Variants in NME2 observed in about 807,000 individuals in gnomAD.
NME2 encodes the protein NME/NM23 nucleoside diphosphate kinase 2.
A neutral mutation model predicts 17.8 loss-of-function variants in NME2; 18 were observed. The observed-to-expected ratio is 1.01, with a 90% CI of 0.70 to 1.50. The LOEUF is 1.50. NME2 is among the 40% of genes most tolerant of loss of function. The pLI is 0.00. For synonymous variants in NME2, 74 were observed against 71.4 expected (o/e 1.04, Z -0.19); for missense variants, 161 against 195.6 (o/e 0.82, Z 1.05).
intron 2 of NME2, 26 bp from the exon 3 acceptor site, chr17:51,168,216 A>G (rs2049987903): frequency 1.2e-6 from 2 of 1,612,152 alleles, no homozygotes; most frequent in African/African-American, 2.7e-5. Context: ...CTTAGCTCCT[A>G]ACTGGTGCCT....
chr17:51,170,228 A>C (rs1598253024), intron 4 of NME2, among the ~76,000 whole-genome samples, 179 bp downstream of exon 4: 1 of 133,404 alleles, frequency 7.5e-6, no homozygotes, highest in Admixed American at 8.5e-5. Flanking sequence ...TGTAACCTTC[A>C]CCTCCCGGGT....
chr17:51,166,504 C>G lies in NME2; in HGVS notation c.-5+7C>G, dbSNP rs1279513338. 1 of 175,962 alleles carries G rather than the reference C, an allele frequency of 5.7e-6. No homozygotes were observed. The highest frequency in any genetic ancestry group is 2.4e-5 in the African/African-American group (1 of 42,206). 10.9% of individuals were successfully genotyped at this position (175,962 alleles called of 1,614,324 possible). On this transcript the variant is annotated splice_region_variant and intron_variant, in intron 1 of 4. Transcript: ENST00000512737. ...CGGCCCCTCCAGCTTCCCGGTAAGG[C>G]GGTGGGGGCGCATCCCCTGGCGACT...
Position 51,171,423 on chromosome 17 carries a change from G to T in NME2, c.342-64G>T, listed in dbSNP as rs911599581. 91 of 1,426,986 alleles carry T rather than the reference G, an allele frequency of 6.4e-5. 1 individual carries two copies. Among genetic ancestry groups the T allele is most frequent in the Non-Finnish European group, 8.5e-5 (87 of 1,020,456 alleles). The allele number at this position is 1,426,986 out of a possible 1,614,324, so 88.4% of individuals were successfully genotyped here. A position where few individuals can be genotyped will look rare whatever the true frequency, so the allele number is the denominator to read the frequency against. On this transcript the variant is annotated intron_variant, in intron 4 of 4. Transcript: ENST00000512737. ...AAGAGTCTGGAGTGCTGTCCATTGC[G>T]GTACCCATTAAACAGACTTTTGCAC...
At chr17:51,170,073 G>A (rs140339463) in intron 4 of NME2, 24 bp downstream of exon 4, 1 of 1,584,452 alleles carries the variant, frequency 6.3e-7, no homozygotes, top group Non-Finnish European at 8.6e-7. Flanking sequence ...CAGGAGGGTG[G>A]ATGACTTTTA....
At position 51,166,834 on chromosome 17, in the gene NME2, G is replaced by A; in HGVS notation, c.4G>A (p.Ala2Thr). The A allele has an allele frequency of 6.2e-7, 1 of 1,612,090 alleles. No individual in the cohort carries two copies. Among genetic ancestry groups the A allele is most frequent in the Non-Finnish European group, 8.5e-7 (1 of 1,179,192 alleles). The change falls in exon 2 of 5, where the codon GCC becomes ACC. Residue 2 changes from alanine to threonine, a missense_variant. Physicochemically the swap from Ala to Thr is moderately conservative, Grantham distance 58 (BLOSUM62 0). Coordinates refer to ENST00000512737, the MANE Select transcript of NME2 (RefSeq NM_002512.4). M[A>T]NLERTFIAIK... is the part of the protein sequence containing the mutation. ...GCACCTCTCGCCCCGCAGGACCATG[G>A]CCAACCTGGAGCGCACCTTCATCGC...
In NME2 at chr17:51,171,679, T is replaced by TA. The variant is rs1399249821; in HGVS notation, c.*76dup. 9.0e-7 allele frequency: 1 copy of TA among 1,108,272 alleles called. No individual in the cohort carries two copies. The highest frequency in any genetic ancestry group is 1.6e-5 in the African/African-American group (1 of 64,336). 68.7% of individuals were successfully genotyped at this position (1,108,272 alleles called of 1,614,324 possible). A position where few individuals can be genotyped will look rare whatever the true frequency, so the allele number is the denominator to read the frequency against. ...GACACAGCTCTTCATTCCATTGACT[T>TA]AGAGGCAACAGGATTGATCATTCTT... On this transcript the variant is annotated 3_prime_UTR_variant, in exon 5 of 5. Transcript: ENST00000512737.
At chr17:51,171,427 C>T in intron 4 of NME2, 60 bp from the exon 5 acceptor site, 2 of 1,459,768 alleles carry the variant, frequency 1.4e-6, no homozygotes, top group Non-Finnish European at 1.9e-6. Flanking sequence ...CATTGCGGTA[C>T]CCATTAAACA....
upstream of NME2, chr17:51,165,566 G>T (rs1416059923): frequency 6.6e-6 from 1 of 152,512 alleles, no homozygotes; most frequent in East Asian, 1.9e-4. Context: ...CTGCAAGTAG[G>T]AAGTGTCTAC....
chr17:51,166,043 G>A (rs116590725), upstream of NME2: 1,353 of 153,006 alleles, frequency 8.8e-3, 26 homozygotes, highest in African/African-American at 0.031. Context: ...GGTTAATGCC[G>A]GTGCTCGGGC....
chr17:51,166,240 TCA>T (rs1460486748), upstream of NME2: 1 of 152,048 alleles, frequency 6.6e-6, no homozygotes, highest in Non-Finnish European at 1.5e-5. Flanking sequence ...GGAGAAGGAA[TCA>T]CTTCCTGTCT....
intron 2 of NME2, 110 bp downstream of exon 2, chr17:51,167,066 A>T (rs918490193): frequency 2.5e-6 from 4 of 1,595,672 alleles, no homozygotes; most frequent in Non-Finnish European, 3.4e-6. Context: ...GCTGCCGCGA[A>T]ATCCCTTTGC....
rs1289736253 is a variant in NME2 at position 51,171,730 on chromosome 17, C to G, written c.*126C>G. ...TTATAGAGCATATTTGCCAATAAAG[C>G]TTTTGGAAGCCGGACACTGTCTCCT... On this transcript the variant is annotated 3_prime_UTR_variant, in exon 5 of 5. Transcript: ENST00000512737. 1.4e-6 allele frequency: 1 copy of G among 694,532 alleles called. No individual in the cohort carries two copies. The highest frequency in any genetic ancestry group is 1.8e-5 in the African/African-American group (1 of 55,514). The allele number at this position is 694,532 out of a possible 1,614,324, so 43.0% of individuals were successfully genotyped here. A position where few individuals can be genotyped will look rare whatever the true frequency, so the allele number is the denominator to read the frequency against.
chr17:51,168,093 G>C, intron 2 of NME2, 149 bp from the exon 3 acceptor site: 1 of 582,144 alleles, frequency 1.7e-6, no homozygotes, highest in Non-Finnish European at 3.0e-6. Context: ...TTATGTGTGT[G>C]TATATGTGTG....
chr17:51,170,122 C>T, intron 4 of NME2, 73 bp downstream of exon 4: 1 of 963,258 alleles, frequency 1.0e-6, no homozygotes. Flanking sequence ...GCGTATCCTA[C>T]TTTCAGAAGA....
chr17:51,167,366 C>G (rs2049969103), intron 2 of NME2: 1 of 269,966 alleles, frequency 3.7e-6, no homozygotes, highest in African/African-American at 2.4e-5. Context: ...CGGTGCTCCT[C>G]CTTTAGCATA....
Position 51,168,222 on chromosome 17 carries a change from T to C in NME2, c.127-20T>C. On this transcript the variant is annotated intron_variant, in intron 2 of 4. Transcript: ENST00000512737. ...TCTTTCCAGCTTAGCTCCTAACTGG[T>C]GCCTCCTCTCCAATGCCAGGCCTCT... 6.2e-7 allele frequency: 1 copy of C among 1,612,882 alleles called. No individual in the cohort carries two copies. The highest frequency in any genetic ancestry group is 8.5e-7 in the Non-Finnish European group (1 of 1,179,344).
intron 3 of NME2, among the ~76,000 whole-genome samples, chr17:51,168,856 AG>A (rs1025201524): frequency 2.2e-5 from 3 of 134,552 alleles, no homozygotes; most frequent in Non-Finnish European, 4.8e-5. Flanking sequence ...CCAGTTACTC[AG>A]GGGGCTGAAG....
rs767322837 is a variant in NME2, at chr17:51,166,955, G to C, written c.125G>C (p.Arg42Pro). The change falls in exon 2 of 5, where the codon CGG becomes CCG. Residue 42 changes from arginine (R) to proline (P), a missense_variant and splice_region_variant. Transcript: ENST00000512737. ...GFRLVAMKFL[R>P]ASEEHLKQHY... ...CGCCTCGTGGCCATGAAGTTCCTCC[G>C]GGTAACTCGCCCCCGTCTCCCCTTC... 1 of 1,613,328 alleles carries C rather than the reference G, an allele frequency of 6.2e-7. No individual in the cohort carries two copies. Among genetic ancestry groups the C allele is most frequent in the Non-Finnish European group, 8.5e-7 (1 of 1,179,744 alleles).
At chr17:51,170,525 C>T (rs1277695635) in intron 4 of NME2, among the ~76,000 whole-genome samples, 5 of 151,936 alleles carry the variant, frequency 3.3e-5, no homozygotes, top group East Asian at 3.9e-4. Context: ...CAGGGGTTTA[C>T]GCCTGTAATC....
Sources: gnomAD v4.1 joint callset for allele counts (sites outside exome capture counted in the v4.1 genomes callset) on GRCh38, gnomAD v4.1.1 for gene constraint, MANE v1.5 for transcripts, NCBI Gene and HGNC (gene_info 2026-07-23, HGNC 2026-07-21) for gene names.